The following THEMIS variants were observed in gnomAD, a reference collection of about 807,000 sequenced individuals.
THEMIS encodes the protein protein THEMIS.
In THEMIS, 37 loss-of-function variants were observed where a neutral mutation model predicts 52.6. The observed-to-expected ratio is 0.70, with a 90% CI of 0.54 to 0.93. THEMIS has a LOEUF of 0.93. THEMIS is among the 40% of genes least tolerant of loss of function. The probability of loss-of-function intolerance (pLI) is 0.00; values close to 1 mark genes in which losing one functional copy is unlikely to be tolerated. For missense variants in THEMIS, 808 were observed against 763.1 expected, an observed-to-expected ratio of 1.06 and a Z score of -0.69; for synonymous variants, 292 against 272.7, an observed-to-expected ratio of 1.07 and a Z score of -0.70.
intron 1 of THEMIS, among the ~76,000 whole-genome samples, chr6:127,898,686 T>C (rs1781044620): frequency 6.6e-6 from 1 of 151,878 alleles, no homozygotes; most frequent in Non-Finnish European, 1.5e-5. Context: ...ATATTACAGA[T>C]ACCTGCATTC....
In THEMIS at chr6:127,834,417, C is replaced by CAA. The variant is rs34484234; in HGVS notation, c.251-4485_251-4484dup. On this transcript the variant is annotated intron_variant, in intron 2 of 5. Coordinates refer to ENST00000368248, the MANE Select transcript of THEMIS (RefSeq NM_001010923.3). ...TGAAACCCCGTCTCCACTAAAAATA[C>CAA]AAAAAAAAAAAAAAAAAAAAGCTGG... Among the ~76,000 whole-genome samples, 892 of 99,418 alleles carry CAA rather than the reference C, an allele frequency of 9.0e-3. 7 individuals are homozygous for CAA. Among genetic ancestry groups the CAA allele is most frequent in the South Asian group, 0.026 (81 of 3,068 alleles). The allele number at this position is 99,418 out of a possible 152,430, so 65.2% of individuals were successfully genotyped here. A position where few individuals can be genotyped will look rare whatever the true frequency, so the allele number is the denominator to read the frequency against.
At chr6:127,742,969 G>T (rs1369403088) in intron 4 of THEMIS, among the ~76,000 whole-genome samples, 3 of 152,070 alleles carry the variant, frequency 2.0e-5, no homozygotes, top group East Asian at 3.9e-4. Context: ...AAAAGAATAT[G>T]AAGAATATTC....
chr6:127,734,559 T>C (rs1774919933), intron 4 of THEMIS, among the ~76,000 whole-genome samples: 1 of 152,068 alleles, frequency 6.6e-6, no homozygotes, highest in Non-Finnish European at 1.5e-5. Context: ...AATTTGCTTG[T>C]GTAAGACGTG....
At chr6:127,917,835 G>T (rs889339934) in intron 1 of THEMIS, among the ~76,000 whole-genome samples, 1 of 152,186 alleles carries the variant, frequency 6.6e-6, no homozygotes, top group Non-Finnish European at 1.5e-5. Flanking sequence ...TCCTGCTTCC[G>T]AGGAAGCTGT....
intron 4 of THEMIS, among the ~76,000 whole-genome samples, chr6:127,797,117 C>T (rs1777356064): frequency 6.6e-6 from 1 of 152,186 alleles, no homozygotes; most frequent in African/African-American, 2.4e-5. Flanking sequence ...GATGTGCTCT[C>T]TTCAACTCCT....
chr6:127,902,491 A>G (rs1781168173), upstream of THEMIS, among the ~76,000 whole-genome samples: 1 of 152,060 alleles, frequency 6.6e-6, no homozygotes. Flanking sequence ...GTCAGGGGAC[A>G]TCTCAGTTCT....
chr6:127,797,684 A>G (rs550641977), intron 4 of THEMIS, among the ~76,000 whole-genome samples: 2 of 152,336 alleles, frequency 1.3e-5, no homozygotes, highest in South Asian at 2.1e-4. Flanking sequence ...TCTCTTACCC[A>G]TAATGCCAGG....
At chr6:127,796,896 G>A (rs1048768068) in intron 4 of THEMIS, among the ~76,000 whole-genome samples, 2 of 152,102 alleles carry the variant, frequency 1.3e-5, no homozygotes, top group East Asian at 1.9e-4. Context: ...GTGAACTAGT[G>A]GTTATTCTAA....
intron 5 of THEMIS, among the ~76,000 whole-genome samples, chr6:127,714,329 G>A (rs72965742): frequency 0.056 from 8,568 of 151,930 alleles, 272 homozygotes; most frequent in Non-Finnish European, 0.08. Context: ...AATAAGTGTA[G>A]ATGTGTTCCA....
chr6:127,785,220 T>TATCTATCTATCTATC (rs144394110), intron 4 of THEMIS, among the ~76,000 whole-genome samples: 1 of 93,758 alleles, frequency 1.1e-5, no homozygotes, highest in African/African-American at 3.8e-5. Context: ...ATTATCTATC[T>TATCTATCTATCTATC]TATCTATCTA....
intron 4 of THEMIS, among the ~76,000 whole-genome samples, chr6:127,782,887 AC>A (rs928996603): frequency 6.6e-6 from 1 of 152,224 alleles, no homozygotes. Flanking sequence ...AGAAAAAACT[AC>A]TTTAAATTTC....
intron 4 of THEMIS, among the ~76,000 whole-genome samples, chr6:127,775,604 T>C (rs1460488689): frequency 6.6e-6 from 1 of 152,122 alleles, no homozygotes; most frequent in African/African-American, 2.4e-5. Flanking sequence ...ATTCCCTGAA[T>C]TTTTTCCCAT....
intron 2 of THEMIS, among the ~76,000 whole-genome samples, chr6:127,836,926 T>C (rs1778891199): frequency 6.6e-6 from 1 of 151,758 alleles, no homozygotes; most frequent in Non-Finnish European, 1.5e-5. Context: ...CACTGGGGGG[T>C]CTCGTGCAAG....
At chr6:127,756,182 T>C (rs1166877954) in intron 4 of THEMIS, among the ~76,000 whole-genome samples, 1 of 152,218 alleles carries the variant, frequency 6.6e-6, no homozygotes, top group Non-Finnish European at 1.5e-5. Flanking sequence ...GTTACAAGTA[T>C]AATTATACAA....
chr6:127,777,734 T>A (rs1776612124), intron 4 of THEMIS, among the ~76,000 whole-genome samples: 1 of 152,158 alleles, frequency 6.6e-6, no homozygotes, highest in African/African-American at 2.4e-5. Context: ...CATATTCAAT[T>A]AATAATTATT....
At chr6:127,747,210 C>T (rs1298270867) in intron 4 of THEMIS, among the ~76,000 whole-genome samples, 1 of 134,312 alleles carries the variant, frequency 7.4e-6, no homozygotes, top group East Asian at 2.2e-4. Flanking sequence ...ATCATATCTG[C>T]ATATTATATT....
chr6:127,870,218 G>A (rs1484303043), intron 1 of THEMIS, among the ~76,000 whole-genome samples: 1 of 152,178 alleles, frequency 6.6e-6, no homozygotes, highest in Non-Finnish European at 1.5e-5. Context: ...GCCGCATGAT[G>A]TAAGGGGTGG....
At chr6:127,900,820 A>G (rs1246123590) in intron 1 of THEMIS, 22 bp downstream of exon 1, 1 of 1,593,652 alleles carries the variant, frequency 6.3e-7, no homozygotes, top group Non-Finnish European at 8.6e-7. Context: ...TCTAGCCAGT[A>G]AAGGTATTGG....
chr6:127,904,574 G>T (rs1392499685), upstream of THEMIS, among the ~76,000 whole-genome samples: 1 of 152,060 alleles, frequency 6.6e-6, no homozygotes, highest in East Asian at 1.9e-4. Flanking sequence ...AGGAAAAGCA[G>T]CCAGAACTTC....
Sources: allele counts gnomAD v4.1 joint callset (sites outside exome capture counted in the v4.1 genomes callset), GRCh38; gene constraint gnomAD v4.1.1; transcripts MANE v1.5; gene names NCBI Gene and HGNC (gene_info 2026-07-23, HGNC 2026-07-21).